The following ERBB4 variants were observed in gnomAD, a reference collection of about 807,000 sequenced individuals.
ERBB4 encodes the protein erb-b2 receptor tyrosine kinase 4.
In ERBB4, 42 loss-of-function variants were observed where a neutral mutation model predicts 158.0. That is an observed-to-expected ratio of 0.27 (90% CI 0.21 to 0.34). The LOEUF is 0.34. ERBB4 is among the 10% of genes least tolerant of loss of function. The pLI is 1.00. For missense variants in ERBB4, 1,333 were observed against 1,624.1 expected (o/e 0.82, Z 3.08); for synonymous variants, 583 against 558.7 (o/e 1.04, Z -0.61).
rs554131148 is a variant in ERBB4 at position 211,596,092 on chromosome 2, T to C, written c.2301+23085A>G. Among the ~76,000 whole-genome samples, 3 of 152,262 alleles carry C rather than the reference T, an allele frequency of 2.0e-5. No homozygotes were observed. In the South Asian group the frequency reaches 6.2e-4, roughly 32 times the overall value. ...GAAAATTATAAAACTAAAGTATATCTGAATGAAATGTTTCAATACTGTAAA... is the reference window on the plus strand; with the variant it reads ...GAAAATTATAAAACTAAAGTATATCCGAATGAAATGTTTCAATACTGTAAA... On this transcript the variant is annotated intron_variant, in intron 19 of 27. Transcript: ENST00000342788.
chr2:211,864,792 C>A (rs918188325), intron 3 of ERBB4, among the ~76,000 whole-genome samples: 2 of 152,064 alleles, frequency 1.3e-5, no homozygotes, highest in African/African-American at 4.8e-5. Flanking sequence ...ATGGTAAAAC[C>A]CCGTCGCTAC....
intron 20 of ERBB4, among the ~76,000 whole-genome samples, chr2:211,518,521 G>A (rs944693394): frequency 6.6e-6 from 1 of 151,994 alleles, no homozygotes; most frequent in African/African-American, 2.4e-5. Flanking sequence ...AGGGGTGGTG[G>A]TGCACACCTG....
At chr2:212,080,740 T>C in intron 2 of ERBB4, among the ~76,000 whole-genome samples, 1 of 152,136 alleles carries the variant, frequency 6.6e-6, no homozygotes, top group South Asian at 2.1e-4. Flanking sequence ...TTTCAAGCTT[T>C]TTAGAAATTG....
intron 1 of ERBB4, among the ~76,000 whole-genome samples, chr2:212,131,270 C>T (rs2080099502): frequency 6.6e-6 from 1 of 152,068 alleles, no homozygotes. Flanking sequence ...TCCTATTTGC[C>T]CCATTAATTA....
intron 1 of ERBB4, among the ~76,000 whole-genome samples, chr2:212,218,461 G>A (rs982923197): frequency 1.3e-5 from 2 of 151,186 alleles, no homozygotes; most frequent in African/African-American, 4.8e-5. Context: ...TTACTATTAA[G>A]GAAGCCTAGA....
chr2:211,888,326 C>T (rs571060992), intron 3 of ERBB4, among the ~76,000 whole-genome samples: 1 of 147,946 alleles, frequency 6.8e-6, no homozygotes, highest in African/African-American at 2.6e-5. Context: ...AAAGCTATTT[C>T]AAGCAATGAC....
At chr2:212,039,546 G>T (rs1054272963) in intron 2 of ERBB4, among the ~76,000 whole-genome samples, 2 of 152,112 alleles carry the variant, frequency 1.3e-5, no homozygotes, top group South Asian at 2.1e-4. Flanking sequence ...AAACTTTTGA[G>T]AACTTCTTAT....
intron 7 of ERBB4, among the ~76,000 whole-genome samples, chr2:211,721,026 C>T (rs563172091): frequency 1.3e-5 from 2 of 152,120 alleles, no homozygotes; most frequent in Non-Finnish European, 2.9e-5. Flanking sequence ...CATTTTATTA[C>T]CTGTGGGTGT....
At chr2:212,417,954 T>C (rs1292627078) in intron 1 of ERBB4, among the ~76,000 whole-genome samples, 2 of 151,936 alleles carry the variant, frequency 1.3e-5, no homozygotes, top group Non-Finnish European at 2.9e-5. Flanking sequence ...AGGGTGAAGC[T>C]CTCATGATGA....
At chr2:211,579,255 C>T (rs2067984654) in intron 19 of ERBB4, among the ~76,000 whole-genome samples, 2 of 152,172 alleles carry the variant, frequency 1.3e-5, no homozygotes, top group Non-Finnish European at 2.9e-5. Flanking sequence ...GAGGTACCAT[C>T]TCATGCCCGT....
chr2:212,283,658 T>G (rs536375048), intron 1 of ERBB4, among the ~76,000 whole-genome samples: 2 of 152,096 alleles, frequency 1.3e-5, no homozygotes, highest in East Asian at 3.9e-4. Context: ...AGAAAATGTA[T>G]CAAGTAGTCA....
At chr2:211,808,408 T>G (rs1429756768) in intron 3 of ERBB4, among the ~76,000 whole-genome samples, 1 of 152,166 alleles carries the variant, frequency 6.6e-6, no homozygotes, top group Non-Finnish European at 1.5e-5. Flanking sequence ...GCTTTTTTTT[T>G]GTCAGGTTTG....
intron 1 of ERBB4, among the ~76,000 whole-genome samples, chr2:212,309,077 C>T (rs1334769230): frequency 6.6e-6 from 1 of 150,794 alleles, no homozygotes; most frequent in Admixed American, 6.6e-5. Flanking sequence ...TCACAGAACA[C>T]TAAATTAGAA....
Position 212,208,326 on chromosome 2 carries a change from A to G in ERBB4, c.83-83423T>C, listed in dbSNP as rs1045428868. ...CAATGAAGCTTTCCACATGCCCATA[A>G]AATTTCAACCCATATCCTTCTTTTC... On this transcript the variant is annotated intron_variant, in intron 1 of 27. Transcript: ENST00000342788. 4.6e-5 allele frequency among the ~76,000 whole-genome samples: 7 copies of G among 152,248 alleles called. No individual in the cohort carries two copies. In the East Asian group the frequency reaches 1.2e-3, roughly 25 times the overall value.
chr2:211,387,092 T>C lies in ERBB4; in HGVS notation c.3242A>G (p.Tyr1081Cys), dbSNP rs2062701323. The C allele has an allele frequency of 6.2e-7, 1 of 1,613,994 alleles. No individual in the cohort carries two copies. The highest frequency in any genetic ancestry group is 8.5e-7 in the Non-Finnish European group (1 of 1,179,894). ...TGGAATTGTGCTAGTTGGGGCTCTG[T>C]AGGGCACAGACACTCCTTGTTCAGC... ...FAAEQGVSVP[Y>C]RAPTSTIPEA... The change falls in exon 27 of 28, where the codon TAC becomes TGC. Residue 1081 changes from tyrosine (Y) to cysteine (C), a missense_variant. Physicochemically the swap from Tyr to Cys is radical, Grantham distance 194. Coordinates refer to ENST00000342788, the MANE Select transcript of ERBB4 (RefSeq NM_005235.3).
At chr2:211,874,913 T>C (rs74503724) in intron 3 of ERBB4, among the ~76,000 whole-genome samples, 8,693 of 150,908 alleles carry the variant, frequency 0.058, 393 homozygotes, top group Middle Eastern at 0.09. Flanking sequence ...ATTGCCAAAA[T>C]AATGTTTTAC....
chr2:212,146,434 T>A (rs1013226904), intron 1 of ERBB4, among the ~76,000 whole-genome samples: 3 of 152,242 alleles, frequency 2.0e-5, no homozygotes, highest in Non-Finnish European at 2.9e-5. Flanking sequence ...GGTGCTAAGC[T>A]AGTAGAAAAA....
At chr2:211,979,133 C>A (rs115401686) in intron 2 of ERBB4, among the ~76,000 whole-genome samples, 2 of 152,106 alleles carry the variant, frequency 1.3e-5, no homozygotes, top group Admixed American at 1.3e-4. Context: ...TAGACCAAAA[C>A]AAACAAACAA....
chr2:211,524,086 T>G lies in ERBB4; in HGVS notation c.2487+37817A>C, dbSNP rs150288520. ...AGACACAGGGTGCTGATTGGTGTGT[T>G]TACAAACCTTGAGCTAGATACAGAG... On this transcript the variant is annotated intron_variant, in intron 20 of 27. Coordinates refer to ENST00000342788, the MANE Select transcript of ERBB4 (RefSeq NM_005235.3). 2.9e-3 allele frequency among the ~76,000 whole-genome samples: 444 copies of G among 152,106 alleles called. 3 individuals carry two copies. Among genetic ancestry groups the G allele is most frequent in the African/African-American group, 0.01 (430 of 41,508 alleles).
Sources: allele counts gnomAD v4.1 joint callset (sites outside exome capture counted in the v4.1 genomes callset), GRCh38; gene constraint gnomAD v4.1.1; transcripts MANE v1.5; gene names NCBI Gene and HGNC (gene_info 2026-07-23, HGNC 2026-07-21).